The following EML4 variants were observed in gnomAD, a reference collection of about 807,000 sequenced individuals.
EML4 encodes echinoderm microtubule-associated protein-like 4.
A neutral mutation model predicts 129.0 loss-of-function variants in EML4; 72 were observed. That is an observed-to-expected ratio of 0.56 (90% CI 0.46 to 0.68). The LOEUF (loss-of-function observed/expected upper bound fraction) is 0.68. Ranked by LOEUF, EML4 falls within the 30% of genes least tolerant of loss-of-function variation. The probability of loss-of-function intolerance (pLI) is 0.00; values close to 1 mark genes in which losing one functional copy is unlikely to be tolerated. For synonymous variants in EML4, 532 were observed against 405.0 expected (o/e 1.31, Z -3.77); for missense variants, 1,363 against 1,190.6 (o/e 1.14, Z -2.13).
At chr2:42,298,815 C>G (rs1668101607) in intron 13 of EML4, among the ~76,000 whole-genome samples, 1 of 152,044 alleles carries the variant, frequency 6.6e-6, no homozygotes. Context: ...TTCTTACATT[C>G]TGATAGAGAA....
chr2:42,222,178 GAGAT>G (rs1249410848), intron 1 of EML4, among the ~76,000 whole-genome samples: 1 of 152,008 alleles, frequency 6.6e-6, no homozygotes, highest in Non-Finnish European at 1.5e-5. Flanking sequence ...CATTTGAGAG[GAGAT>G]AGTTTTTAAA....
intron 21 of EML4, 127 bp downstream of exon 21, chr2:42,326,379 C>A: frequency 1.6e-6 from 1 of 631,790 alleles, no homozygotes; most frequent in Non-Finnish European, 2.6e-6. Flanking sequence ...TAATGTCAGC[C>A]TCAGAGAAAT....
chr2:42,280,942 C>T lies in EML4; in HGVS notation c.760C>T (p.Leu254=), dbSNP rs1419684432. The change falls in exon 7 of 23, where the codon CTG becomes TTG. Residue 254 remains leucine (L), a synonymous_variant. Transcript: ENST00000318522. The part of the protein sequence containing the change: ...VDNYDDIRTE[L]PPEKLKLEWA... The stretch of plus-strand genomic sequence containing the variant: ...CAACTATGATGACATCAGAACGGAA[C>T]TGCCTCCTGAGAAGCTCAAACTGGA... The T allele has an allele frequency of 1.9e-6, 3 of 1,610,330 alleles. No individual in the cohort carries two copies. Among genetic ancestry groups the T allele is most frequent in the Admixed American group, 3.4e-5 (2 of 59,078 alleles).
chr2:42,265,271 T>C (rs1175668898), intron 6 of EML4, among the ~76,000 whole-genome samples: 1 of 152,102 alleles, frequency 6.6e-6, no homozygotes, highest in African/African-American at 2.4e-5. Context: ...TTTGTTTGTT[T>C]GTTTTGTATT....
rs1192764776 is a variant in EML4, at chr2:42,330,284, G to C, written c.*77G>C. On this transcript the variant is annotated 3_prime_UTR_variant, in exon 23 of 23. Coordinates refer to ENST00000318522, the MANE Select transcript of EML4 (RefSeq NM_019063.5). ...TAAAGTTCAGGTAACAGGATGGGCA[G>C]TGATGGAGAATCACTGTTGATTGAG... 7.7e-7 allele frequency: 1 copy of C among 1,299,792 alleles called. No individual in the cohort carries two copies. The highest frequency in any genetic ancestry group is 1.8e-5 in the Admixed American group (1 of 56,640). The allele number at this position is 1,299,792 out of a possible 1,614,324, so 80.5% of individuals were successfully genotyped here.
At chr2:42,284,230 G>GAGGATTATGT (rs1276483756) in intron 8 of EML4, among the ~76,000 whole-genome samples, 1 of 152,232 alleles carries the variant, frequency 6.6e-6, no homozygotes, top group Non-Finnish European at 1.5e-5. Context: ...CAGCATGTAT[G>GAGGATTATGT]AGGATTATGT....
chr2:42,325,956 A>AT (rs759630367), intron 20 of EML4, 198 bp from the exon 21 acceptor site: 183 of 360,900 alleles, frequency 5.1e-4, no homozygotes, highest in Non-Finnish European at 6.8e-4. Flanking sequence ...GAAAAAAAAA[A>AT]CTTCCATGGG....
At chr2:42,232,643 G>C (rs1484149345) in intron 1 of EML4, among the ~76,000 whole-genome samples, 1 of 152,220 alleles carries the variant, frequency 6.6e-6, no homozygotes, top group African/African-American at 2.4e-5. Context: ...TTAATCAAAA[G>C]AGAAGTGCTT....
chr2:42,173,416 A>C (rs546728889), intron 1 of EML4, among the ~76,000 whole-genome samples: 7 of 152,186 alleles, frequency 4.6e-5, no homozygotes, highest in Non-Finnish European at 1.0e-4. Context: ...CATCTTCAAC[A>C]TGAGTTAGCT....
At chr2:42,241,757 A>G (rs868460546) in intron 1 of EML4, among the ~76,000 whole-genome samples, 1 of 152,182 alleles carries the variant, frequency 6.6e-6, no homozygotes, top group East Asian at 1.9e-4. Context: ...GTGAGAGTCA[A>G]AAGACTTGTC....
chr2:42,256,572 A>C lies in EML4; in HGVS notation c.280A>C (p.Ser94Arg). 1 of 1,614,068 alleles carries C rather than the reference A, an allele frequency of 6.2e-7. No homozygotes were observed. The highest frequency in any genetic ancestry group is 8.5e-7 in the Non-Finnish European group (1 of 1,179,928). ...TGGAAGTGGTGCAAACAGAAAACCA[A>C]GTCATACCAGTGCTGTCTCAATTGC... ...TNGSGANRKP[S>R]HTSAVSIAGK... Residue 94 changes from serine to arginine, a missense_variant, in exon 3 of 23, where the codon AGT becomes CGT. Ser to Arg is a moderately radical substitution (Grantham distance 110). Coordinates refer to ENST00000318522, the MANE Select transcript of EML4 (RefSeq NM_019063.5).
chr2:42,195,590 T>C (rs1009537635), intron 1 of EML4, among the ~76,000 whole-genome samples: 5 of 152,170 alleles, frequency 3.3e-5, no homozygotes, highest in Admixed American at 6.5e-5. Flanking sequence ...TATAGACCAT[T>C]CCATAAACCC....
intron 17 of EML4, among the ~76,000 whole-genome samples, chr2:42,306,858 G>A (rs1668637800): frequency 6.6e-6 from 1 of 151,818 alleles, no homozygotes; most frequent in South Asian, 2.1e-4. Flanking sequence ...TATTAATATC[G>A]TGATTGCACA....
chr2:42,223,773 A>G (rs1209732984), intron 1 of EML4, among the ~76,000 whole-genome samples: 2 of 152,158 alleles, frequency 1.3e-5, no homozygotes, highest in Non-Finnish European at 1.5e-5. Flanking sequence ...TTGAATAAAT[A>G]TGCATAATAG....
chr2:42,186,762 C>A (rs1671271720), intron 1 of EML4, among the ~76,000 whole-genome samples: 1 of 152,184 alleles, frequency 6.6e-6, no homozygotes, highest in African/African-American at 2.4e-5. Context: ...AAGAGTAGAA[C>A]TACAGAGTAG....
chr2:42,188,460 G>A (rs1191659236), intron 1 of EML4, among the ~76,000 whole-genome samples: 8 of 151,840 alleles, frequency 5.3e-5, no homozygotes, highest in Admixed American at 5.3e-4. Context: ...GGGCTGAAGT[G>A]ATCCGCCAGT....
At chr2:42,233,914 G>A (rs1295662953) in intron 1 of EML4, among the ~76,000 whole-genome samples, 1 of 152,082 alleles carries the variant, frequency 6.6e-6, no homozygotes, top group Non-Finnish European at 1.5e-5. Flanking sequence ...ACTTACTTTG[G>A]GGACTTTAAG....
intron 1 of EML4, among the ~76,000 whole-genome samples, chr2:42,206,583 C>T (rs186605083): frequency 2.6e-5 from 4 of 152,214 alleles, no homozygotes; most frequent in Admixed American, 2.6e-4. Context: ...CTGAACTGTT[C>T]GTGAGCCTTT....
intron 1 of EML4, among the ~76,000 whole-genome samples, chr2:42,241,353 C>T (rs145872384): frequency 6.6e-6 from 1 of 152,258 alleles, no homozygotes; most frequent in Non-Finnish European, 1.5e-5. Flanking sequence ...ATTGCCATTG[C>T]TTGTTGCCTT....
Sources: gnomAD v4.1 joint callset for allele counts (sites outside exome capture counted in the v4.1 genomes callset) on GRCh38, gnomAD v4.1.1 for gene constraint, MANE v1.5 for transcripts, NCBI Gene and HGNC (gene_info 2026-07-23, HGNC 2026-07-21) for gene names.